CDH18: variants seen among roughly 807,000 people sequenced by gnomAD.
CDH18 encodes the protein cadherin 18.
In CDH18, 31 loss-of-function variants were observed where a neutral mutation model predicts 67.9. That is an observed-to-expected ratio of 0.46 (90% CI 0.34 to 0.62). The LOEUF (loss-of-function observed/expected upper bound fraction) is 0.62. Ranked by LOEUF, CDH18 falls within the 20% of genes least tolerant of loss-of-function variation. The pLI is 0.01. For synonymous variants in CDH18, 362 were observed against 347.2 expected, an observed-to-expected ratio of 1.04 and a Z score of -0.48; for missense variants, 890 against 975.5, an observed-to-expected ratio of 0.91 and a Z score of 1.17.
At chr5:20,337,488 A>G (rs1250658413) in intron 1 of CDH18, among the ~76,000 whole-genome samples, 3 of 152,128 alleles carry the variant, frequency 2.0e-5, no homozygotes, top group Admixed American at 1.3e-4. Context: ...AAGTTCCACA[A>G]ATCTCTAGGG....
At chr5:19,861,040 A>G (rs1784839570) in intron 2 of CDH18, among the ~76,000 whole-genome samples, 1 of 152,148 alleles carries the variant, frequency 6.6e-6, no homozygotes, top group African/African-American at 2.4e-5. Context: ...ATAATAAAGA[A>G]AATCATTATT....
At chr5:20,552,996 G>A (rs951965514) in intron 1 of CDH18, among the ~76,000 whole-genome samples, 12 of 152,004 alleles carry the variant, frequency 7.9e-5, no homozygotes, top group East Asian at 7.7e-4. Context: ...CTCGTGATAC[G>A]CCCGCCTGGG....
chr5:19,638,413 G>A (rs1301058858), intron 5 of CDH18, among the ~76,000 whole-genome samples: 2 of 152,126 alleles, frequency 1.3e-5, no homozygotes, highest in African/African-American at 2.4e-5. Context: ...TGGATTATTC[G>A]TTAGTTTTCT....
chr5:19,908,217 T>C (rs1463804793), intron 2 of CDH18, among the ~76,000 whole-genome samples: 2 of 152,084 alleles, frequency 1.3e-5, no homozygotes, highest in Non-Finnish European at 2.9e-5. Context: ...ATATGATAAC[T>C]CCTTCCATGG....
At chr5:19,995,613 A>AC (rs1735943159) in intron 2 of CDH18, among the ~76,000 whole-genome samples, 1 of 151,902 alleles carries the variant, frequency 6.6e-6, no homozygotes, top group Non-Finnish European at 1.5e-5. Flanking sequence ...AAAAAAAAAA[A>AC]AAAAAAAAAA....
At chr5:19,801,878 T>C (rs1374986136) in intron 3 of CDH18, among the ~76,000 whole-genome samples, 1 of 152,190 alleles carries the variant, frequency 6.6e-6, no homozygotes, top group Non-Finnish European at 1.5e-5. Flanking sequence ...ACTTACTTAA[T>C]GTTGTTTGTG....
Position 19,747,212 on chromosome 5 carries a change from C to T in CDH18, c.253G>A (p.Asp85Asn). ...GTAAGGATGTACTTGACAGATCCAT[C>T]ACCTTTGTCAGAATTGGAGTGCAGC... ...GKLHSNSDKG[D>N]GSVKYILTGE... Residue 85 changes from aspartate to asparagine, a missense_variant, in exon 4 of 13, where the codon GAT (aspartate) becomes AAT (asparagine). By Grantham distance (23) the Asp-to-Asn change is conservative (BLOSUM62 1). Transcript: ENST00000382275. 6.2e-7 allele frequency: 1 copy of T among 1,613,724 alleles called. No homozygotes were observed. Among genetic ancestry groups the T allele is most frequent in the Non-Finnish European group, 8.5e-7 (1 of 1,179,704 alleles).
At position 19,785,778 on chromosome 5, in the gene CDH18, A is replaced by T. The variant is rs538330296; in HGVS notation, c.229-38542T>A. Among the ~76,000 whole-genome samples the T allele has an allele frequency of 1.2e-3, 160 of 138,668 alleles. 2 individuals are homozygous for T. Among genetic ancestry groups the T allele is most frequent in the African/African-American group, 3.5e-3 (131 of 37,844 alleles). 91.0% of individuals were successfully genotyped at this position (138,668 alleles called of 152,430 possible). ...ATAGGTAGATCATAGAGGTTTCATGAAGATTAAATAAGGTGACATATAAAA... is the reference window on the plus strand; with the variant it reads ...ATAGGTAGATCATAGAGGTTTCATGTAGATTAAATAAGGTGACATATAAAA... On this transcript the variant is annotated intron_variant, in intron 3 of 12. Coordinates refer to ENST00000382275, the MANE Select transcript of CDH18 (RefSeq NM_004934.5).
chr5:20,309,200 T>G (rs1410647431), intron 1 of CDH18, among the ~76,000 whole-genome samples: 2 of 152,230 alleles, frequency 1.3e-5, no homozygotes, highest in African/African-American at 4.8e-5. Context: ...GAAAATTGTC[T>G]TGTTTCACTC....
chr5:19,593,257 G>A (rs894916393), intron 6 of CDH18, among the ~76,000 whole-genome samples: 38 of 151,952 alleles, frequency 2.5e-4, no homozygotes, highest in African/African-American at 8.9e-4. Flanking sequence ...TTCTGTAGAC[G>A]CTACACAAGT....
chr5:20,019,913 A>G (rs1470883354), intron 2 of CDH18, among the ~76,000 whole-genome samples: 1 of 152,212 alleles, frequency 6.6e-6, no homozygotes, highest in Non-Finnish European at 1.5e-5. Flanking sequence ...GAGACTTGTT[A>G]AATTGTTTTG....
At chr5:20,175,800 G>C (rs1561851742) in intron 2 of CDH18, among the ~76,000 whole-genome samples, 1 of 152,060 alleles carries the variant, frequency 6.6e-6, no homozygotes, top group East Asian at 1.9e-4. Flanking sequence ...ACTGGCAGCT[G>C]ATTAGATGGT....
chr5:19,851,434 C>CCAAAAAAAAAAA (rs1783679629), intron 2 of CDH18, among the ~76,000 whole-genome samples: 3 of 144,932 alleles, frequency 2.1e-5, no homozygotes, highest in Admixed American at 6.9e-5. Flanking sequence ...AAAAAAAAAA[C>CCAAAAAAAAAAA]AAACCCAAAA....
At chr5:20,180,014 A>G (rs1227414148) in intron 2 of CDH18, among the ~76,000 whole-genome samples, 1 of 152,166 alleles carries the variant, frequency 6.6e-6, no homozygotes, top group African/African-American at 2.4e-5. Flanking sequence ...AATGCTCCTG[A>G]TTATTGTAAA....
At chr5:20,010,185 T>C (rs1486989480) in intron 2 of CDH18, among the ~76,000 whole-genome samples, 5 of 151,668 alleles carry the variant, frequency 3.3e-5, no homozygotes, top group African/African-American at 7.3e-5. Context: ...TGTGTGTGTG[T>C]GTGTGTAACC....
At chr5:20,153,393 G>A (rs1249378133) in intron 2 of CDH18, among the ~76,000 whole-genome samples, 1 of 152,082 alleles carries the variant, frequency 6.6e-6, no homozygotes, top group Non-Finnish European at 1.5e-5. Flanking sequence ...ATGTGGGCAA[G>A]CACATAATTC....
chr5:20,506,975 A>G (rs941204884), intron 1 of CDH18, among the ~76,000 whole-genome samples: 18 of 152,230 alleles, frequency 1.2e-4, no homozygotes, highest in African/African-American at 4.3e-4. Context: ...TCTTCTGATT[A>G]CTCCATTTTA....
chr5:19,553,833 C>T (rs954299966), intron 8 of CDH18, among the ~76,000 whole-genome samples: 2 of 151,756 alleles, frequency 1.3e-5, no homozygotes, highest in Admixed American at 6.6e-5. Context: ...AGTGTTTTGT[C>T]ATGTTGCCCA....
chr5:19,605,518 A>T (rs1747892999), intron 6 of CDH18, among the ~76,000 whole-genome samples: 1 of 152,050 alleles, frequency 6.6e-6, no homozygotes, highest in African/African-American at 2.4e-5. Flanking sequence ...TAGAGAATAC[A>T]TCTAATTATC....
Sources: gnomAD v4.1 joint callset for allele counts (sites outside exome capture counted in the v4.1 genomes callset) on GRCh38, gnomAD v4.1.1 for gene constraint, MANE v1.5 for transcripts, NCBI Gene and HGNC (gene_info 2026-07-23, HGNC 2026-07-21) for gene names.